PTPN21: variants seen among roughly 807,000 people sequenced by gnomAD.
PTPN21 encodes the protein protein tyrosine phosphatase non-receptor type 21, also known as tyrosine-protein phosphatase non-receptor type 21.
PTPN21 carries 77 observed loss-of-function variants against 131.8 expected under a neutral mutation model. That is an observed-to-expected ratio of 0.58 (90% confidence interval 0.49 to 0.71). The LOEUF is 0.71. Among genes scored for constraint, PTPN21 ranks in the 30% least tolerant of loss-of-function variants. The pLI, the probability that PTPN21 is intolerant of heterozygous loss-of-function variation, is 0.00. For missense variants in PTPN21, 1,552 were observed against 1,527.1 expected, an observed-to-expected ratio of 1.02 and a Z score of -0.27; for synonymous variants, 715 against 621.3, an observed-to-expected ratio of 1.15 and a Z score of -2.24.
At chr14:88,539,565 CT>C (rs1446131188) in intron 2 of PTPN21, among the ~76,000 whole-genome samples, 1 of 152,030 alleles carries the variant, frequency 6.6e-6, no homozygotes, top group Non-Finnish European at 1.5e-5. Flanking sequence ...CCTTTATTTC[CT>C]TTTAAAGTAA....
At chr14:88,530,600 C>T (rs754012266) in intron 2 of PTPN21, among the ~76,000 whole-genome samples, 2 of 151,564 alleles carry the variant, frequency 1.3e-5, no homozygotes, top group Non-Finnish European at 3.0e-5. Context: ...AAAGATATTC[C>T]ATGTAAATGG....
intron 10 of PTPN21, among the ~76,000 whole-genome samples, chr14:88,487,981 A>AAG (rs2077763051): frequency 6.7e-6 from 1 of 148,318 alleles, no homozygotes; most frequent in African/African-American, 2.5e-5. Flanking sequence ...AAAAAAAAAA[A>AAG]AAAATAGTGC....
intron 10 of PTPN21, among the ~76,000 whole-genome samples, chr14:88,486,047 C>T (rs1316847713): frequency 6.6e-6 from 1 of 151,724 alleles, no homozygotes; most frequent in Non-Finnish European, 1.5e-5. Flanking sequence ...ACCCGTCAAC[C>T]TGCCCTGTGG....
intron 2 of PTPN21, among the ~76,000 whole-genome samples, chr14:88,548,018 T>A (rs1479207069): frequency 1.3e-5 from 2 of 152,100 alleles, no homozygotes; most frequent in Non-Finnish European, 2.9e-5. Context: ...GATCTGCACT[T>A]CCTTTCACAT....
At chr14:88,522,688 C>A (rs1267725193) in intron 2 of PTPN21, among the ~76,000 whole-genome samples, 1 of 152,002 alleles carries the variant, frequency 6.6e-6, no homozygotes, top group African/African-American at 2.4e-5. Flanking sequence ...TGTTAAATAC[C>A]TCCAAGGAGG....
intron 3 of PTPN21, among the ~76,000 whole-genome samples, chr14:88,515,841 G>A (rs1250712123): frequency 6.6e-6 from 1 of 152,174 alleles, no homozygotes; most frequent in African/African-American, 2.4e-5. Flanking sequence ...AATTCTTAGA[G>A]CATATCTTCA....
chr14:88,544,617 AT>A (rs1336682233), intron 2 of PTPN21, among the ~76,000 whole-genome samples: 5 of 152,140 alleles, frequency 3.3e-5, no homozygotes, highest in African/African-American at 1.2e-4. Context: ...TGATTTAATA[AT>A]TACTTAAATG....
intron 10 of PTPN21, among the ~76,000 whole-genome samples, chr14:88,490,492 G>A (rs1344258802): frequency 3.9e-5 from 6 of 152,054 alleles, no homozygotes; most frequent in Admixed American, 3.9e-4. Context: ...TCCTTCACAT[G>A]GATCCATGGG....
At chr14:88,507,333 G>C (rs368445478) in intron 4 of PTPN21, among the ~76,000 whole-genome samples, 1 of 152,070 alleles carries the variant, frequency 6.6e-6, no homozygotes, top group South Asian at 2.1e-4. Flanking sequence ...GTTGAGAAAG[G>C]CATCATCAGA....
At chr14:88,474,233 A>T (rs543520278) in intron 13 of PTPN21, among the ~76,000 whole-genome samples, 1 of 146,514 alleles carries the variant, frequency 6.8e-6, no homozygotes, top group Non-Finnish European at 1.5e-5. Context: ...TCTGTCACCC[A>T]GGCTGGATGG....
intron 13 of PTPN21, among the ~76,000 whole-genome samples, chr14:88,477,446 T>TCAAAAAAAAAAAAAAAA: frequency 1.3e-5 from 1 of 76,360 alleles, no homozygotes; most frequent in Non-Finnish European, 2.4e-5. Context: ...AAGACTGTTC[T>TCAAAAAAAAAAAAAAAA]AAAAAAAAAA....
chr14:88,513,184 T>C (rs934163086), intron 3 of PTPN21, among the ~76,000 whole-genome samples: 2 of 152,136 alleles, frequency 1.3e-5, no homozygotes, highest in African/African-American at 4.8e-5. Flanking sequence ...TTGTTTTGTT[T>C]GAGATGGGCT....
Position 88,480,225 on chromosome 14 carries a change from G to T in PTPN21, c.1206C>A (p.Ser402=). Residue 402 remains serine, a synonymous_variant, in exon 13 of 19, where the codon TCC becomes TCA. Coordinates refer to ENST00000556564, the MANE Select transcript of PTPN21 (RefSeq NM_007039.4). ...GSVYSAHSTN[S]LNNPQPYLQP... is the part of the protein sequence containing the mutation. ...GCAAGTAGGGCTGAGGATTATTTAA[G>T]GAGTTGGTGCTGTGTGCACTGTAGA... 2 of 1,614,188 alleles carry T rather than the reference G, an allele frequency of 1.2e-6. No individual in the cohort carries two copies. Among genetic ancestry groups the T allele is most frequent in the Non-Finnish European group, 1.7e-6 (2 of 1,180,016 alleles).
At chr14:88,497,125 A>G (rs189916801) in intron 9 of PTPN21, 78 bp downstream of exon 9, 1 of 1,126,734 alleles carries the variant, frequency 8.9e-7, no homozygotes, top group East Asian at 2.4e-5. Flanking sequence ...CTGCCTCCAA[A>G]CACATACAGG....
Position 88,480,120 on chromosome 14 carries a change from G to C in PTPN21, c.1311C>G (p.His437Gln), listed in dbSNP as rs776604232. The change falls in exon 13 of 19, where the codon CAC becomes CAG. Residue 437 changes from histidine (H) to glutamine (Q), a missense_variant. His to Gln is a conservative substitution (Grantham distance 24). Transcript: ENST00000556564. ...MRPDYLPSHR[H>Q]SAVIPPSYRP... ...GGTAGGACGGGGGTATCACGGCGCTGTGCCGATGGGACGGGAGGTAGTCAG... is the reference window on the plus strand; with the variant it reads ...GGTAGGACGGGGGTATCACGGCGCTCTGCCGATGGGACGGGAGGTAGTCAG... 1.2e-5 allele frequency: 19 copies of C among 1,614,082 alleles called. No homozygotes were observed. The highest frequency in any genetic ancestry group is 1.6e-5 in the Non-Finnish European group (19 of 1,180,046).
chr14:88,508,148 G>GTT, intron 3 of PTPN21, 128 bp from the exon 4 acceptor site: 43 of 413,192 alleles, frequency 1.0e-4, no homozygotes, highest in Middle Eastern at 6.9e-4. Context: ...ATGGTTGTGT[G>GTT]TGTTTTTTTT....
chr14:88,468,099 C>T lies in PTPN21; in HGVS notation c.*38G>A, dbSNP rs111690456. The T allele has an allele frequency of 5.4e-4, 871 of 1,609,256 alleles. 8 individuals are homozygous for T. The African/African-American group carries it at 0.01, about 19-fold the overall frequency. On this transcript the variant is annotated 3_prime_UTR_variant, in exon 19 of 19. Coordinates refer to ENST00000556564, the MANE Select transcript of PTPN21 (RefSeq NM_007039.4). The stretch of plus-strand genomic sequence containing the variant: ...AAGCGCTTTTTTTTTAAGCTGTAAA[C>T]GCTTCACATGACTGGCCCCGTAAGA...
intron 2 of PTPN21, among the ~76,000 whole-genome samples, chr14:88,538,041 G>A (rs1248571279): frequency 6.6e-6 from 1 of 152,184 alleles, no homozygotes; most frequent in Non-Finnish European, 1.5e-5. Flanking sequence ...TGCAGCACAT[G>A]ACTGTATATA....
chr14:88,509,026 A>G (rs1318486017), intron 3 of PTPN21, among the ~76,000 whole-genome samples: 1 of 152,172 alleles, frequency 6.6e-6, no homozygotes, highest in African/African-American at 2.4e-5. Flanking sequence ...TGAGGGTACC[A>G]TCACCCCTTC....
Sources: allele counts gnomAD v4.1 joint callset (sites outside exome capture counted in the v4.1 genomes callset), GRCh38; gene constraint gnomAD v4.1.1; transcripts MANE v1.5; gene names NCBI Gene and HGNC (gene_info 2026-07-23, HGNC 2026-07-21).